SPTLC2: variants seen among roughly 807,000 people sequenced by gnomAD.
SPTLC2 encodes serine palmitoyltransferase long chain base subunit 2.
In SPTLC2, 21 loss-of-function variants were observed where a neutral mutation model predicts 62.0. That is an observed-to-expected ratio of 0.34 (90% CI 0.24 to 0.49). The LOEUF (loss-of-function observed/expected upper bound fraction) is 0.49, where lower values mean the gene tolerates loss of function less well. SPTLC2 is among the 20% of genes least tolerant of loss of function. The pLI is 0.99. For missense variants in SPTLC2, 511 were observed against 713.0 expected, an observed-to-expected ratio of 0.72 and a Z score of 3.23; for synonymous variants, 261 against 261.8, an observed-to-expected ratio of 1.00 and a Z score of 0.03.
chr14:77,512,185 G>A lies in SPTLC2; in HGVS notation c.*99C>T, dbSNP rs1207482190. On this transcript the variant is annotated 3_prime_UTR_variant, in exon 12 of 12. Coordinates refer to ENST00000216484, the MANE Select transcript of SPTLC2 (RefSeq NM_004863.4). ...CAGTAGCTGAGGCAATGTCTTTCAC[G>A]TGAGATGGCCACAGAAGTGTGGTTC... 3.2e-6 allele frequency: 5 copies of A among 1,565,748 alleles called. No homozygotes were observed. Among genetic ancestry groups the A allele is most frequent in the East Asian group, 2.2e-5 (1 of 44,576 alleles).
chr14:77,564,423 AC>A lies in SPTLC2; in HGVS notation c.757-1935del, dbSNP rs1230531538. Reference sequence around the variant, plus strand: ...CATACACACACACACACACACACACACACACACACACACACACACACACACA... The same window carrying A: ...CATACACACACACACACACACACACAACACACACACACACACACACACACA... On this transcript the variant is annotated intron_variant, in intron 5 of 11. Coordinates refer to ENST00000216484, the MANE Select transcript of SPTLC2 (RefSeq NM_004863.4). 5.8e-3 allele frequency among the ~76,000 whole-genome samples: 724 copies of A among 123,838 alleles called. 8 individuals carry two copies. The highest frequency in any genetic ancestry group is 0.029 in the African/African-American group (702 of 24,428). 81.2% of individuals were successfully genotyped at this position (123,838 alleles called of 152,430 possible).
intron 7 of SPTLC2, among the ~76,000 whole-genome samples, chr14:77,555,865 C>T (rs548647327): frequency 7.9e-5 from 12 of 152,168 alleles, no homozygotes; most frequent in Admixed American, 2.0e-4. Context: ...GTGATACACC[C>T]GCCTTGGCCT....
At chr14:77,553,936 T>TCCC (rs1349350228) in intron 8 of SPTLC2, among the ~76,000 whole-genome samples, 2 of 150,104 alleles carry the variant, frequency 1.3e-5, no homozygotes, top group African/African-American at 4.9e-5. Flanking sequence ...CATCTCAGCC[T>TCCC]CCCCCATAGT....
At chr14:77,555,177 G>A in intron 8 of SPTLC2, 123 bp downstream of exon 8, 1 of 1,007,820 alleles carries the variant, frequency 9.9e-7, no homozygotes, top group South Asian at 1.3e-5. Flanking sequence ...CTGGTATTAT[G>A]AGCCTAAACC....
intron 1 of SPTLC2, among the ~76,000 whole-genome samples, chr14:77,610,410 G>C (rs1025150727): frequency 2.0e-5 from 3 of 152,084 alleles, no homozygotes; most frequent in African/African-American, 7.2e-5. Context: ...CCAAAGTGCT[G>C]GGATTACAGG....
At chr14:77,596,995 T>C (rs1193836618) in intron 2 of SPTLC2, among the ~76,000 whole-genome samples, 191 bp downstream of exon 2, 5 of 152,354 alleles carry the variant, frequency 3.3e-5, no homozygotes, top group African/African-American at 7.2e-5. Flanking sequence ...ATTAAACCCA[T>C]GATGAATGCT....
chr14:77,609,522 G>A (rs975706227), intron 1 of SPTLC2, among the ~76,000 whole-genome samples: 1 of 152,186 alleles, frequency 6.6e-6, no homozygotes, highest in Non-Finnish European at 1.5e-5. Context: ...GGATCACTTA[G>A]GTCAGGAGTC....
At chr14:77,539,656 A>G (rs1566773702) in intron 9 of SPTLC2, among the ~76,000 whole-genome samples, 1 of 151,482 alleles carries the variant, frequency 6.6e-6, no homozygotes, top group Non-Finnish European at 1.5e-5. Context: ...AGTCTGGCTA[A>G]TTTTTATATT....
chr14:77,572,261 T>C (rs1409639155), intron 4 of SPTLC2, among the ~76,000 whole-genome samples: 3 of 152,190 alleles, frequency 2.0e-5, no homozygotes, highest in Admixed American at 6.5e-5. Flanking sequence ...TCTACTCCCA[T>C]CTTCCTCTTG....
chr14:77,566,654 G>A (rs994535105), intron 5 of SPTLC2, among the ~76,000 whole-genome samples: 1 of 152,134 alleles, frequency 6.6e-6, no homozygotes, highest in Non-Finnish European at 1.5e-5. Flanking sequence ...TAGAGACGGG[G>A]TTTCACCGTG....
At chr14:77,534,170 TCTCTCTCTCACACACACA>T (rs2079456038) in intron 9 of SPTLC2, among the ~76,000 whole-genome samples, 1 of 93,746 alleles carries the variant, frequency 1.1e-5, no homozygotes, top group African/African-American at 3.9e-5. Flanking sequence ...TCTCTTTCTC[TCTCTCTCTCACACACACA>T]CACACACACA....
chr14:77,517,529 A>G (rs1453928900), intron 11 of SPTLC2, among the ~76,000 whole-genome samples: 2 of 152,196 alleles, frequency 1.3e-5, no homozygotes, highest in African/African-American at 4.8e-5. Flanking sequence ...ACTTATTCCT[A>G]TCCTCAATAT....
At chr14:77,546,330 T>G (rs1566775563) in intron 9 of SPTLC2, among the ~76,000 whole-genome samples, 1 of 152,176 alleles carries the variant, frequency 6.6e-6, no homozygotes, top group Non-Finnish European at 1.5e-5. Context: ...CTTTAAAAAA[T>G]AATCAAGAAG....
intron 1 of SPTLC2, among the ~76,000 whole-genome samples, chr14:77,598,090 C>A (rs1276010128): frequency 6.7e-6 from 1 of 148,910 alleles, no homozygotes; most frequent in Non-Finnish European, 1.5e-5. Context: ...CCATTGCACT[C>A]CAGCCTGGGA....
At chr14:77,596,924 C>T (rs901950728) in intron 2 of SPTLC2, among the ~76,000 whole-genome samples, 1 of 152,210 alleles carries the variant, frequency 6.6e-6, no homozygotes, top group Non-Finnish European at 1.5e-5. Flanking sequence ...TAACTTGTGA[C>T]TTTTTGATTT....
chr14:77,612,743 C>G (rs2079944688), intron 1 of SPTLC2, among the ~76,000 whole-genome samples: 1 of 152,106 alleles, frequency 6.6e-6, no homozygotes, highest in South Asian at 2.1e-4. Flanking sequence ...ATTTATTTGC[C>G]TCCTCCTAAG....
At chr14:77,545,592 C>T (rs1173881804) in intron 9 of SPTLC2, among the ~76,000 whole-genome samples, 3 of 152,096 alleles carry the variant, frequency 2.0e-5, no homozygotes. Flanking sequence ...TTACTTTGAG[C>T]AGATTCCATC....
At chr14:77,518,287 G>C in intron 10 of SPTLC2, 120 bp from the exon 11 acceptor site, 3 of 1,454,922 alleles carry the variant, frequency 2.1e-6, no homozygotes, top group Non-Finnish European at 2.8e-6. Flanking sequence ...ACTTCTAATA[G>C]GAGTTTCCTT....
chr14:77,589,275 C>T (rs528243105), intron 2 of SPTLC2, among the ~76,000 whole-genome samples: 45 of 151,900 alleles, frequency 3.0e-4, no homozygotes, highest in African/African-American at 1.0e-3. Context: ...AACAGGAAGC[C>T]ACTTCCTTGC....
Sources: allele counts gnomAD v4.1 joint callset (sites outside exome capture counted in the v4.1 genomes callset), GRCh38; gene constraint gnomAD v4.1.1; transcripts MANE v1.5; gene names NCBI Gene and HGNC (gene_info 2026-07-23, HGNC 2026-07-21).